THRB: variants seen among roughly 807,000 people sequenced by gnomAD.
The protein encoded by THRB is nuclear receptor subfamily 1 group A member 2.
In THRB, 12 loss-of-function variants were observed where a neutral mutation model predicts 47.8. The ratio of observed to expected loss-of-function variants is 0.25; its 90% CI spans 0.16 to 0.41. THRB has a LOEUF of 0.41. THRB is among the 10% of genes least tolerant of loss of function. The probability of loss-of-function intolerance (pLI) is 1.00; values close to 1 mark genes in which losing one functional copy is unlikely to be tolerated. For missense variants in THRB, 348 were observed against 589.2 expected (o/e 0.59, Z 4.24); for synonymous variants, 218 against 212.2 (o/e 1.03, Z -0.24).
At chr3:24,492,246 A>G (rs932385863) in intron 1 of THRB, among the ~76,000 whole-genome samples, 4 of 152,256 alleles carry the variant, frequency 2.6e-5, no homozygotes, top group Non-Finnish European at 5.9e-5. Context: ...GAGGCAGTCA[A>G]GAGTCCTGTG....
At chr3:24,227,948 C>T (rs957210997) in intron 4 of THRB, among the ~76,000 whole-genome samples, 2 of 152,106 alleles carry the variant, frequency 1.3e-5, no homozygotes, top group African/African-American at 2.4e-5. Context: ...AGACATATTT[C>T]GACTGAGCCA....
At chr3:24,306,872 G>T (rs945541102) in intron 2 of THRB, among the ~76,000 whole-genome samples, 5 of 152,234 alleles carry the variant, frequency 3.3e-5, no homozygotes, top group Non-Finnish European at 7.4e-5. Flanking sequence ...TTAACTGATA[G>T]AGTTTAATAA....
chr3:24,261,366 G>T (rs1258279607), intron 3 of THRB, among the ~76,000 whole-genome samples: 1 of 151,944 alleles, frequency 6.6e-6, no homozygotes, highest in Admixed American at 6.6e-5. Context: ...GGGCGTGGTG[G>T]CACGCACCTG....
chr3:24,440,313 T>C lies in THRB; in HGVS notation c.-261+54339A>G, dbSNP rs931045803. Among the ~76,000 whole-genome samples the C allele has an allele frequency of 7.9e-5, 12 of 152,138 alleles. 1 individual carries two copies. The highest frequency in any genetic ancestry group is 4.6e-4 in the Admixed American group (7 of 15,272). Reference sequence around the variant, plus strand: ...ATAATGTTGACACATATACTATCTATACCCTCATCAAAATCATTGATAGAA... The same window carrying C: ...ATAATGTTGACACATATACTATCTACACCCTCATCAAAATCATTGATAGAA... On this transcript the variant is annotated intron_variant, in intron 1 of 10. Coordinates refer to ENST00000646209, the MANE Select transcript of THRB (RefSeq NM_001354712.2).
chr3:24,238,384 C>T (rs921228582), intron 3 of THRB, among the ~76,000 whole-genome samples: 12 of 151,090 alleles, frequency 7.9e-5, no homozygotes, highest in African/African-American at 2.4e-4. Context: ...CATGCAGAAC[C>T]ACCAGATGCC....
intron 2 of THRB, among the ~76,000 whole-genome samples, chr3:24,304,433 T>C (rs2057187013): frequency 1.3e-5 from 2 of 152,094 alleles, no homozygotes; most frequent in Admixed American, 1.3e-4. Flanking sequence ...ATAATAGCTG[T>C]AAGATTCATG....
At chr3:24,306,257 A>C (rs2057329666) in intron 2 of THRB, among the ~76,000 whole-genome samples, 1 of 152,200 alleles carries the variant, frequency 6.6e-6, no homozygotes, top group South Asian at 2.1e-4. Flanking sequence ...AGCTCCCCCG[A>C]ATCTAAATTT....
At position 24,121,119 on chromosome 3, in the gene THRB, A is replaced by G. The variant is rs1179721932; in HGVS notation, c.*1765T>C. ...GGAATTTAAGTGTTAAAAAAAAATA[A>G]TTAAAGGAACCAGATTTTTTTTTTC... On this transcript the variant is annotated 3_prime_UTR_variant, in exon 11 of 11. Transcript: ENST00000646209. The G allele has an allele frequency of 6.6e-6, 1 of 151,638 alleles. No homozygotes were observed. Among genetic ancestry groups the G allele is most frequent in the African/African-American group, 2.4e-5 (1 of 40,904 alleles). The allele number at this position is 151,638 out of a possible 1,614,324, so 9.4% of individuals were successfully genotyped here.
At chr3:24,320,266 C>A (rs758112869) in intron 2 of THRB, among the ~76,000 whole-genome samples, 1 of 152,152 alleles carries the variant, frequency 6.6e-6, no homozygotes, top group South Asian at 2.1e-4. Context: ...CCTGTCCAAT[C>A]GAAAGGAAAG....
chr3:24,125,578 A>G (rs1240857263), intron 10 of THRB, among the ~76,000 whole-genome samples: 1 of 152,188 alleles, frequency 6.6e-6, no homozygotes, highest in Admixed American at 6.5e-5. Context: ...TCACACAAGG[A>G]GTCCTTGGAT....
intron 2 of THRB, among the ~76,000 whole-genome samples, chr3:24,333,903 T>C (rs2062075254): frequency 6.6e-6 from 1 of 152,186 alleles, no homozygotes. Flanking sequence ...TCCACATGAC[T>C]CTTCTTGCCG....
At chr3:24,406,453 A>G (rs2067834864) in intron 1 of THRB, among the ~76,000 whole-genome samples, 1 of 151,754 alleles carries the variant, frequency 6.6e-6, no homozygotes, top group African/African-American at 2.4e-5. Flanking sequence ...AGTAGTAAAA[A>G]TTTCTTGCAT....
In THRB at chr3:24,231,875, G is replaced by A. The variant is rs369094810; in HGVS notation, c.-42-2874C>T. 4.5e-4 allele frequency among the ~76,000 whole-genome samples: 68 copies of A among 152,334 alleles called. 2 individuals are homozygous for A. The South Asian group carries it at 6.2e-3, about 14-fold the overall frequency. On this transcript the variant is annotated intron_variant, in intron 3 of 10. Coordinates refer to ENST00000646209, the MANE Select transcript of THRB (RefSeq NM_001354712.2). ...AAAGAAAGTCCAAAAGAACTTAAAA[G>A]TAAAGCAAGCTGAGTTTCTTTATTT...
chr3:24,366,772 C>T (rs902366429), intron 1 of THRB, among the ~76,000 whole-genome samples: 4 of 151,976 alleles, frequency 2.6e-5, no homozygotes, highest in Non-Finnish European at 5.9e-5. Context: ...AGGCACATGC[C>T]ACCACACCAG....
At chr3:24,459,223 C>T (rs184580225) in intron 1 of THRB, 7 of 152,046 alleles carry the variant, frequency 4.6e-5, no homozygotes, top group East Asian at 1.9e-4. Flanking sequence ...TCTGTTCCTA[C>T]GATAGTTTGT....
intron 3 of THRB, among the ~76,000 whole-genome samples, chr3:24,243,094 A>C (rs1414433463): frequency 1.1e-5 from 1 of 94,948 alleles, no homozygotes; most frequent in Non-Finnish European, 2.2e-5. Flanking sequence ...AAAAAAAAAA[A>C]ATCCCAGTGC....
At chr3:24,155,332 C>A (rs542287483) in intron 5 of THRB, among the ~76,000 whole-genome samples, 9 of 152,206 alleles carry the variant, frequency 5.9e-5, no homozygotes, top group Non-Finnish European at 1.2e-4. Context: ...GAAACATCTA[C>A]TTAAGTTGGT....
intron 3 of THRB, among the ~76,000 whole-genome samples, chr3:24,234,585 G>A (rs1296788830): frequency 6.6e-6 from 1 of 152,152 alleles, no homozygotes; most frequent in Non-Finnish European, 1.5e-5. Flanking sequence ...TCAGGCTTTA[G>A]ATCATTCAAG....
Position 24,123,135 on chromosome 3 carries a change from A to G in THRB, c.1145-10T>C. The G allele has an allele frequency of 6.2e-7, 1 of 1,614,062 alleles. No individual in the cohort carries two copies. Among genetic ancestry groups the G allele is most frequent in the Non-Finnish European group, 8.5e-7 (1 of 1,179,952 alleles). ...GCAAGCCCCGGGCGATCTGCGGGGA[A>G]GAGAGAAGATGGACATTGATTCAGA... On this transcript the variant is annotated splice_polypyrimidine_tract_variant and intron_variant, in intron 10 of 10. Coordinates refer to ENST00000646209, the MANE Select transcript of THRB (RefSeq NM_001354712.2).
Sources: gnomAD v4.1 joint callset for allele counts (sites outside exome capture counted in the v4.1 genomes callset) on GRCh38, gnomAD v4.1.1 for gene constraint, MANE v1.5 for transcripts, NCBI Gene and HGNC (gene_info 2026-07-23, HGNC 2026-07-21) for gene names.